Variants in HDAC4 observed in about 807,000 individuals in gnomAD.
HDAC4 encodes the protein histone deacetylase 4, also known as histone deacetylase A.
In HDAC4, 16 loss-of-function variants were observed where a neutral mutation model predicts 135.1. The observed-to-expected ratio is 0.12, with a 90% CI of 0.08 to 0.18. The LOEUF is 0.18. HDAC4 is among the 10% of genes least tolerant of loss of function. The probability of loss-of-function intolerance (pLI) is 1.00; values close to 1 mark genes in which losing one functional copy is unlikely to be tolerated. For missense variants in HDAC4, 1,143 were observed against 1,511.8 expected (o/e 0.76, Z 4.05); for synonymous variants, 685 against 653.4 (o/e 1.05, Z -0.74).
At chr2:239,231,596 T>C (rs948963097) in intron 3 of HDAC4, among the ~76,000 whole-genome samples, 4 of 152,242 alleles carry the variant, frequency 2.6e-5, no homozygotes, top group African/African-American at 9.6e-5. Flanking sequence ...ACTTTTTTTG[T>C]TTGCCTCCGG....
At chr2:239,062,577 C>T (rs911351699) in intron 24 of HDAC4, among the ~76,000 whole-genome samples, 4 of 152,240 alleles carry the variant, frequency 2.6e-5, no homozygotes, top group Non-Finnish European at 4.4e-5. Context: ...CGGCTGAAAG[C>T]GAAGTTCCCT....
rs887985366 is a variant in HDAC4, at chr2:239,053,030, G to T, written c.*67C>A. 1.9e-6 allele frequency: 3 copies of T among 1,591,070 alleles called. No individual in the cohort carries two copies. The highest frequency in any genetic ancestry group is 2.6e-6 in the Non-Finnish European group (3 of 1,159,048). ...ACGGTGGGACGCAGGCGTGACACGG[G>T]AAAGTTTCTTGGCTGAGCTTCAAGA... On this transcript the variant is annotated 3_prime_UTR_variant, in exon 27 of 27. Transcript: ENST00000543185.
At chr2:239,084,308 G>T in intron 19 of HDAC4, 66 bp from the exon 20 acceptor site, 2 of 1,106,662 alleles carry the variant, frequency 1.8e-6, no homozygotes, top group South Asian at 1.3e-5. Flanking sequence ...TCCACGGCCC[G>T]CCAGAGAGCC....
intron 6 of HDAC4, among the ~76,000 whole-genome samples, chr2:239,157,249 G>A (rs2042481800): frequency 1.3e-5 from 2 of 152,206 alleles, no homozygotes; most frequent in South Asian, 4.1e-4. Flanking sequence ...GTGATGTGTG[G>A]GACTCTCTCT....
At chr2:239,222,726 T>C (rs291329) in intron 3 of HDAC4, among the ~76,000 whole-genome samples, 84,691 of 152,062 alleles carry the variant, frequency 0.56, 25,361 homozygotes, top group South Asian at 0.78. Context: ...CAAAAGCAAT[T>C]GAATAGAAAC....
At chr2:239,207,978 A>C (rs1432841896) in intron 3 of HDAC4, among the ~76,000 whole-genome samples, 1 of 152,164 alleles carries the variant, frequency 6.6e-6, no homozygotes, top group African/African-American at 2.4e-5. Context: ...TTAATCTAAT[A>C]GTCTATAGAA....
intron 14 of HDAC4, 33 bp from the exon 15 acceptor site, chr2:239,108,216 A>T (rs1456578191): frequency 6.3e-7 from 1 of 1,578,130 alleles, no homozygotes; most frequent in African/African-American, 1.3e-5. Context: ...AGATCAGCGC[A>T]CATCCAGGGG....
chr2:239,189,814 G>GC lies in HDAC4; in HGVS notation c.339+18dup, dbSNP rs2044796205. 1 of 1,597,962 alleles carries GC rather than the reference G, an allele frequency of 6.3e-7. No homozygotes were observed. The highest frequency in any genetic ancestry group is 8.5e-7 in the Non-Finnish European group (1 of 1,177,472). On this transcript the variant is annotated intron_variant, in intron 4 of 26. Coordinates refer to ENST00000543185, the MANE Select transcript of HDAC4 (RefSeq NM_001378414.1). Reference sequence around the variant, plus strand: ...GTGCCGGAGGCCTGGCCCACCCGCAGCCCCGCACCGCGCCTCACCTTGATG... The same window carrying GC: ...GTGCCGGAGGCCTGGCCCACCCGCAGCCCCCGCACCGCGCCTCACCTTGATG...
In HDAC4 at chr2:239,048,986, C is replaced by G. The variant is rs1300712828; in HGVS notation, c.*4111G>C. 6.6e-6 allele frequency: 1 copy of G among 152,212 alleles called. No homozygotes were observed. Among genetic ancestry groups the G allele is most frequent in the Non-Finnish European group, 1.5e-5 (1 of 68,036 alleles). The allele number at this position is 152,212 out of a possible 1,614,324, so 9.4% of individuals were successfully genotyped here. On this transcript the variant is annotated 3_prime_UTR_variant, in exon 27 of 27. Coordinates refer to ENST00000543185, the MANE Select transcript of HDAC4 (RefSeq NM_001378414.1). ...GAGGGCGGGCGGCGCTCGCCTGGCC[C>G]GTGGAAGGAGATAAAAGGAAACAAA... is the stretch of plus-strand genomic sequence containing the variant.
At chr2:239,191,567 T>C (rs577383179) in intron 3 of HDAC4, among the ~76,000 whole-genome samples, 2 of 151,970 alleles carry the variant, frequency 1.3e-5, no homozygotes, top group Non-Finnish European at 1.5e-5. Context: ...GAGAAAAGGG[T>C]GGGAAATGCT....
chr2:239,291,482 A>G (rs1364183335), intron 2 of HDAC4, among the ~76,000 whole-genome samples: 1 of 152,232 alleles, frequency 6.6e-6, no homozygotes, highest in Non-Finnish European at 1.5e-5. Flanking sequence ...AAGAAACGTC[A>G]TCATCTAGAG....
intron 3 of HDAC4, among the ~76,000 whole-genome samples, chr2:239,234,740 G>A (rs1285279039): frequency 2.0e-5 from 3 of 152,164 alleles, no homozygotes; most frequent in Non-Finnish European, 4.4e-5. Flanking sequence ...CTGAAGCCCC[G>A]GCCTGTCCTC....
At chr2:239,070,927 G>GT (rs10572423) in intron 22 of HDAC4, among the ~76,000 whole-genome samples, 121 of 144,050 alleles carry the variant, frequency 8.4e-4, no homozygotes, top group Non-Finnish European at 5.6e-4. Context: ...AGTCTCTGTT[G>GT]TTTTTTTTTT....
chr2:239,223,255 A>G (rs1377102508), intron 3 of HDAC4, among the ~76,000 whole-genome samples: 1 of 152,216 alleles, frequency 6.6e-6, no homozygotes, highest in Non-Finnish European at 1.5e-5. Flanking sequence ...ATATTTAAAA[A>G]TAGAAACCAT....
chr2:239,314,262 G>A (rs2053020987), intron 2 of HDAC4, among the ~76,000 whole-genome samples: 1 of 152,186 alleles, frequency 6.6e-6, no homozygotes, highest in South Asian at 2.1e-4. Flanking sequence ...ATGGGTAGCG[G>A]GAGTAAGTCC....
chr2:239,181,781 C>T (rs2044169501), intron 4 of HDAC4, among the ~76,000 whole-genome samples: 1 of 152,158 alleles, frequency 6.6e-6, no homozygotes, highest in African/African-American at 2.4e-5. Context: ...GGCACCTGCC[C>T]CCAAGGGTTC....
rs549999415 is a variant in HDAC4, at chr2:239,299,433, A to G, written c.22+53245T>C. Among the ~76,000 whole-genome samples the G allele has an allele frequency of 2.0e-5, 3 of 152,350 alleles. No individual in the cohort carries two copies. In the South Asian group the frequency reaches 6.2e-4, roughly 32 times the overall value. ...GCTGACATGGGCTAATCTCAAGCAG[A>G]TATTCTGATCCCCTCGCACAACCAC... is the stretch of plus-strand genomic sequence containing the variant. On this transcript the variant is annotated intron_variant, in intron 2 of 26. Coordinates refer to ENST00000543185, the MANE Select transcript of HDAC4 (RefSeq NM_001378414.1). The surrounding 1 kb of genome is among the most constrained non-coding windows in gnomAD (Gnocchi z 4.0).
intron 3 of HDAC4, among the ~76,000 whole-genome samples, chr2:239,232,080 A>G (rs1392235322): frequency 6.6e-6 from 1 of 152,104 alleles, no homozygotes; most frequent in Non-Finnish European, 1.5e-5. Context: ...CCTCTCCTCA[A>G]TCGAGGCTGC....
At chr2:239,340,681 G>T (rs1402647713) in intron 2 of HDAC4, among the ~76,000 whole-genome samples, 2 of 152,186 alleles carry the variant, frequency 1.3e-5, no homozygotes, top group Non-Finnish European at 2.9e-5. Context: ...GTTCAGAAAA[G>T]AACCACCTGC....
Sources: allele counts gnomAD v4.1 joint callset (sites outside exome capture counted in the v4.1 genomes callset), GRCh38; gene constraint gnomAD v4.1.1; non-coding constraint Gnocchi (gnomAD v3.1); transcripts MANE v1.5; gene names NCBI Gene and HGNC (gene_info 2026-07-23, HGNC 2026-07-21).